The following RFTN1 variants were observed in gnomAD, a reference collection of about 807,000 sequenced individuals.
The protein encoded by RFTN1 is raftlin, lipid raft linker 1.
Under a neutral mutation model 46.5 loss-of-function variants are expected in RFTN1, and 26 were observed. The ratio of observed to expected loss-of-function variants is 0.56; its 90% CI spans 0.41 to 0.78. The LOEUF (loss-of-function observed/expected upper bound fraction) is 0.78. Ranked by LOEUF, RFTN1 falls within the 30% of genes least tolerant of loss-of-function variation. The pLI is 0.00. For synonymous variants in RFTN1, 261 were observed against 284.2 expected (o/e 0.92, Z 0.82); for missense variants, 693 against 718.7 (o/e 0.96, Z 0.41).
At position 16,428,023 on chromosome 3, in the gene RFTN1, T is replaced by G. The variant is rs1392087282; in HGVS notation, c.332+5828A>C. On this transcript the variant is annotated intron_variant, in intron 3 of 9. Transcript: ENST00000334133. This position sits in a 1 kb window ranked among gnomAD's most constrained non-coding sequence, Gnocchi z 4.7. ...GGCAATTATATAATTTGCACATATATTTTGCAGCTCCCTAGTAGATAGATA... is the reference window on the plus strand; with the variant it reads ...GGCAATTATATAATTTGCACATATAGTTTGCAGCTCCCTAGTAGATAGATA... Among the ~76,000 whole-genome samples, 1 of 145,750 alleles carries G rather than the reference T, an allele frequency of 6.9e-6. No individual in the cohort carries two copies. The highest frequency in any genetic ancestry group is 1.5e-5 in the Non-Finnish European group (1 of 66,134).
chr3:16,388,670 C>T lies in RFTN1; in HGVS notation c.442-10568G>A, dbSNP rs188009647. 1.1e-4 allele frequency among the ~76,000 whole-genome samples: 16 copies of T among 152,172 alleles called. No homozygotes were observed. The East Asian group carries it at 2.7e-3, about 26-fold the overall frequency. ...TCTTAAGAAACCAAGTCAATCTTCC[C>T]CTCAGGAAAAAGAAAAGAAGTAGCA... On this transcript the variant is annotated intron_variant, in intron 4 of 9. Coordinates refer to ENST00000334133, the MANE Select transcript of RFTN1 (RefSeq NM_015150.2).
intron 6 of RFTN1, among the ~76,000 whole-genome samples, chr3:16,367,669 G>C (rs983439404): frequency 3.0e-5 from 4 of 133,492 alleles, no homozygotes; most frequent in African/African-American, 1.1e-4. Flanking sequence ...GGCTATAACA[G>C]TATTTCAAAC....
At position 16,451,641 on chromosome 3, in the gene RFTN1, T is replaced by G. The variant is rs186648902; in HGVS notation, c.146-17604A>C. Among the ~76,000 whole-genome samples the G allele has an allele frequency of 1.1e-3, 169 of 152,300 alleles. No individual in the cohort carries two copies. Among genetic ancestry groups the G allele is most frequent in the Non-Finnish European group, 1.9e-3 (127 of 68,028 alleles). Reference sequence around the variant, plus strand: ...CTCTTCGTGTCTTCCACCTAAAAATTTAATGCCTTTTTCATCTTCACTAAG... The same window carrying G: ...CTCTTCGTGTCTTCCACCTAAAAATGTAATGCCTTTTTCATCTTCACTAAG... On this transcript the variant is annotated intron_variant, in intron 2 of 9. Transcript: ENST00000334133. This position sits in a 1 kb window ranked among gnomAD's most constrained non-coding sequence, Gnocchi z 4.2.
At chr3:16,358,317 C>CG (rs375686755) in intron 6 of RFTN1, among the ~76,000 whole-genome samples, 54 of 152,264 alleles carry the variant, frequency 3.5e-4, no homozygotes, top group Non-Finnish European at 6.3e-4. Flanking sequence ...TGATTTCACA[C>CG]GTTTACCTTC....
Position 16,428,314 on chromosome 3 carries a change from A to G in RFTN1, c.332+5537T>C, listed in dbSNP as rs1024572765. Among the ~76,000 whole-genome samples, 1 of 152,180 alleles carries G rather than the reference A, an allele frequency of 6.6e-6. No individual in the cohort carries two copies. Among genetic ancestry groups the G allele is most frequent in the Non-Finnish European group, 1.5e-5 (1 of 68,010 alleles). ...CTAGGTGTGATTCCAATGAGTACTCACTATAAACCCAAACCAGCTTACCTC... is the reference window on the plus strand; with the variant it reads ...CTAGGTGTGATTCCAATGAGTACTCGCTATAAACCCAAACCAGCTTACCTC... On this transcript the variant is annotated intron_variant, in intron 3 of 9. Transcript: ENST00000334133. The surrounding 1 kb of genome is among the most constrained non-coding windows in gnomAD (Gnocchi z 4.7).
chr3:16,359,355 C>T (rs548560984), intron 6 of RFTN1, among the ~76,000 whole-genome samples: 101 of 152,216 alleles, frequency 6.6e-4, no homozygotes, highest in African/African-American at 2.2e-3. Context: ...TCCCAAAATT[C>T]GTATGTTGAA....
intron 6 of RFTN1, among the ~76,000 whole-genome samples, chr3:16,369,744 A>G (rs1222207079): frequency 2.6e-5 from 4 of 152,220 alleles, no homozygotes; most frequent in Admixed American, 6.5e-5. Context: ...GAATGCCACA[A>G]TCCCAGGGGG....
At chr3:16,472,878 C>T (rs973045752) in intron 2 of RFTN1, among the ~76,000 whole-genome samples, 1 of 152,140 alleles carries the variant, frequency 6.6e-6, no homozygotes, top group Non-Finnish European at 1.5e-5. Context: ...TGGTGAGTCA[C>T]CAAGAACTCT....
Position 16,473,395 on chromosome 3 carries a change from C to CT in RFTN1, c.145+20329dup, listed in dbSNP as rs2076229444. Among the ~76,000 whole-genome samples, 1 of 149,128 alleles carries CT rather than the reference C, an allele frequency of 6.7e-6. No individual in the cohort carries two copies. The highest frequency in any genetic ancestry group is 2.5e-5 in the African/African-American group (1 of 39,500). On this transcript the variant is annotated intron_variant, in intron 2 of 9. Transcript: ENST00000334133. This position sits in a 1 kb window ranked among gnomAD's most constrained non-coding sequence, Gnocchi z 5.3. The stretch of plus-strand genomic sequence containing the variant: ...TCCACAAAAATACTCTGTTTTCTTT[C>CT]TTTTTTCTTTTTTTTTTTTTCCTGA...
In RFTN1 at chr3:16,499,875, C is replaced by T. The variant is rs1483618619; in HGVS notation, c.-8-5998G>A. 6.6e-6 allele frequency among the ~76,000 whole-genome samples: 1 copy of T among 152,210 alleles called. No homozygotes were observed. Among genetic ancestry groups the T allele is most frequent in the Admixed American group, 6.5e-5 (1 of 15,288 alleles). On this transcript the variant is annotated intron_variant, in intron 1 of 9. Coordinates refer to ENST00000334133, the MANE Select transcript of RFTN1 (RefSeq NM_015150.2). The surrounding 1 kb of genome is among the most constrained non-coding windows in gnomAD (Gnocchi z 4.9). ...TTTATATGGACATAAGTTTTCACTT[C>T]TCTAGGGTAAATACCTAAGAGTGGG... is the stretch of plus-strand genomic sequence containing the variant.
At chr3:16,439,814 A>C (rs904698361) in intron 2 of RFTN1, among the ~76,000 whole-genome samples, 2 of 151,766 alleles carry the variant, frequency 1.3e-5, no homozygotes, top group Non-Finnish European at 2.9e-5. Context: ...CCTCTGGGGG[A>C]GTGTGGGGAG....
chr3:16,338,584 A>T lies in RFTN1; in HGVS notation c.1147-11708T>A, dbSNP rs978601685. ...CTTTGTTTGATAACAATTAAAAAAG[A>T]AACATTTTCTCCATCCAGAGACTTG... On this transcript the variant is annotated intron_variant, in intron 7 of 9. Coordinates refer to ENST00000334133, the MANE Select transcript of RFTN1 (RefSeq NM_015150.2). This position sits in a 1 kb window ranked among gnomAD's most constrained non-coding sequence, Gnocchi z 5.3. Among the ~76,000 whole-genome samples the T allele has an allele frequency of 3.3e-5, 5 of 152,238 alleles. No homozygotes were observed. Among genetic ancestry groups the T allele is most frequent in the Non-Finnish European group, 7.3e-5 (5 of 68,034 alleles).
rs563035053 is a variant in RFTN1 at position 16,465,380 on chromosome 3, G to A, written c.145+28345C>T. Among the ~76,000 whole-genome samples the A allele has an allele frequency of 1.6e-4, 24 of 148,670 alleles. No individual in the cohort carries two copies. Among genetic ancestry groups the A allele is most frequent in the Admixed American group, 8.7e-4 (13 of 14,886 alleles). ...TCATCAAGGCAATTCTCTGAGCACA[G>A]GAAAAAAATATCCCCAACAGAGGTT... On this transcript the variant is annotated intron_variant, in intron 2 of 9. Coordinates refer to ENST00000334133, the MANE Select transcript of RFTN1 (RefSeq NM_015150.2). The surrounding 1 kb of genome is among the most constrained non-coding windows in gnomAD (Gnocchi z 5.1).
At chr3:16,318,228 G>T (rs184406728) in intron 9 of RFTN1, among the ~76,000 whole-genome samples, 2 of 152,152 alleles carry the variant, frequency 1.3e-5, no homozygotes, top group Non-Finnish European at 2.9e-5. Flanking sequence ...CATCTCGGTG[G>T]CCCAGAGTGC....
intron 7 of RFTN1, among the ~76,000 whole-genome samples, chr3:16,343,098 G>T (rs1463578552): frequency 6.6e-6 from 1 of 152,136 alleles, no homozygotes; most frequent in African/African-American, 2.4e-5. Flanking sequence ...TCCCACTTCA[G>T]CCTCCCAAAG....
chr3:16,431,191 T>C (rs2075379956), intron 3 of RFTN1, among the ~76,000 whole-genome samples: 1 of 152,236 alleles, frequency 6.6e-6, no homozygotes, highest in African/African-American at 2.4e-5. Context: ...GCAGGCCTCC[T>C]GGCCACGAGT....
chr3:16,315,925 A>G lies in RFTN1; in HGVS notation c.*903T>C, dbSNP rs1047581580. The G allele has an allele frequency of 6.6e-6, 1 of 152,242 alleles. No individual in the cohort carries two copies. The highest frequency in any genetic ancestry group is 1.9e-4 in the East Asian group (1 of 5,204). The allele number at this position is 152,242 out of a possible 1,614,324, so 9.4% of individuals were successfully genotyped here. ...GAGACAGGCTGTGGGTTTGGTCAAG[A>G]CAATCAGCATTCCCTCTCCAAGGTT... On this transcript the variant is annotated 3_prime_UTR_variant, in exon 10 of 10. Transcript: ENST00000334133.
intron 4 of RFTN1, among the ~76,000 whole-genome samples, chr3:16,403,549 G>A (rs1043775691): frequency 1.7e-5 from 1 of 59,476 alleles, no homozygotes; most frequent in South Asian, 5.7e-4. Flanking sequence ...ATGAGAGACA[G>A]AGACAGAGAC....
At chr3:16,362,788 G>T (rs1488996434) in intron 6 of RFTN1, among the ~76,000 whole-genome samples, 1 of 152,146 alleles carries the variant, frequency 6.6e-6, no homozygotes, top group Non-Finnish European at 1.5e-5. Flanking sequence ...TTATATGATG[G>T]TGTTTAGCCT....
Sources: gnomAD v4.1 joint callset for allele counts (sites outside exome capture counted in the v4.1 genomes callset) on GRCh38, gnomAD v4.1.1 for gene constraint, Gnocchi (gnomAD v3.1) non-coding constraint, MANE v1.5 for transcripts, NCBI Gene and HGNC (gene_info 2026-07-23, HGNC 2026-07-21) for gene names.